MYO7A: variants seen among roughly 807,000 people sequenced by gnomAD.
MYO7A encodes unconventional myosin-VIIa.
In MYO7A, 210 loss-of-function variants were observed where a neutral mutation model predicts 263.8. The ratio of observed to expected loss-of-function variants is 0.80; its 90% CI spans 0.71 to 0.89. The LOEUF is 0.89. Ranked by LOEUF, MYO7A falls within the 40% of genes least tolerant of loss-of-function variation. The pLI is 0.00. For missense variants in MYO7A, 2,820 were observed against 2,968.3 expected, an observed-to-expected ratio of 0.95 and a Z score of 1.16; for synonymous variants, 1,239 against 1,197.3, an observed-to-expected ratio of 1.03 and a Z score of -0.72.
Position 77,162,849 on chromosome 11 carries a change from C to G in MYO7A, c.1555-4C>G. The G allele has an allele frequency of 2.5e-6, 4 of 1,613,176 alleles. No individual in the cohort carries two copies. The highest frequency in any genetic ancestry group is 3.4e-6 in the Non-Finnish European group (4 of 1,179,460). On this transcript the variant is annotated splice_polypyrimidine_tract_variant and splice_region_variant and intron_variant, in intron 13 of 48. Transcript: ENST00000409709. ...GGGCTCACAGCTGCCCCTCCACTCCCCAGGGCACAGACACCACCATGTTAC... is the reference window on the plus strand; with the variant it reads ...GGGCTCACAGCTGCCCCTCCACTCCGCAGGGCACAGACACCACCATGTTAC...
At chr11:77,163,032 C>G in intron 14 of MYO7A, 44 bp downstream of exon 14, 2 of 1,603,246 alleles carry the variant, frequency 1.2e-6, no homozygotes, top group Non-Finnish European at 1.7e-6. Context: ...GCCCGTGGCC[C>G]TGCCTTCCCC....
intron 48 of MYO7A, among the ~76,000 whole-genome samples, chr11:77,214,253 C>G (rs911263734): frequency 1.6e-4 from 24 of 152,172 alleles, no homozygotes; most frequent in African/African-American, 5.6e-4. Flanking sequence ...GCCCTTTAGC[C>G]CCCCGAGTTC....
At position 77,203,224 on chromosome 11, in the gene MYO7A, G is replaced by T; in HGVS notation, c.5326+7G>T. The T allele has an allele frequency of 6.4e-7, 1 of 1,552,020 alleles. No homozygotes were observed. Among genetic ancestry groups the T allele is most frequent in the Non-Finnish European group, 8.7e-7 (1 of 1,148,622 alleles). ...GCCTGCCTGGCCTTCATTGATATCC[G>T]TGCCACTGGGCTGTGCCCAGGGGAG... On this transcript the variant is annotated splice_region_variant and intron_variant, in intron 38 of 48. Transcript: ENST00000409709.
chr11:77,174,708 T>A (rs1954459400), intron 16 of MYO7A, 48 bp from the exon 17 acceptor site: 3 of 1,534,002 alleles, frequency 2.0e-6, no homozygotes, highest in Non-Finnish European at 2.6e-6. Context: ...CAGGGCTGCC[T>A]CCCAGCAGGA....
chr11:77,153,935 C>G (rs1188775867), intron 4 of MYO7A, among the ~76,000 whole-genome samples: 1 of 152,180 alleles, frequency 6.6e-6, no homozygotes, highest in African/African-American at 2.4e-5. Flanking sequence ...ATGGGCCAGA[C>G]GGCTGAGCAT....
intron 35 of MYO7A, among the ~76,000 whole-genome samples, chr11:77,201,243 C>T (rs1215965456): frequency 1.3e-5 from 2 of 152,168 alleles, no homozygotes; most frequent in African/African-American, 4.8e-5. Flanking sequence ...GGGCTTCCTC[C>T]CAAGGGCAAT....
intron 14 of MYO7A, among the ~76,000 whole-genome samples, chr11:77,163,348 T>C (rs1953205773): frequency 6.6e-6 from 1 of 152,186 alleles, no homozygotes; most frequent in African/African-American, 2.4e-5. Flanking sequence ...TGGAATCATA[T>C]GCTATGGCCA....
rs144657938 is a variant in MYO7A at position 77,190,810 on chromosome 11, C to A, written c.3864C>A (p.Ala1288=). 6.3e-7 allele frequency: 1 copy of A among 1,591,688 alleles called. No homozygotes were observed. The highest frequency in any genetic ancestry group is 2.3e-5 in the East Asian group (1 of 43,740). ...TTAKELCNAL[A]DKISLKDRFG... ...CCAAGGAGCTCTGCAACGCGCTGGC[C>A]GACAAGATCTCTCTCAAGGACCGGT... The change falls in exon 30 of 49, where the codon GCC becomes GCA. Residue 1288 remains alanine (A), a synonymous_variant. Transcript: ENST00000409709.
At chr11:77,199,437 C>A in intron 34 of MYO7A, 98 bp from the exon 35 acceptor site, 1 of 1,317,206 alleles carries the variant, frequency 7.6e-7, no homozygotes, top group Non-Finnish European at 9.9e-7. Flanking sequence ...CTGACTCTGG[C>A]CAGGCCAGCT....
chr11:77,160,950 A>G, intron 11 of MYO7A, 23 bp from the exon 12 acceptor site: 1 of 1,579,716 alleles, frequency 6.3e-7, no homozygotes, highest in East Asian at 2.4e-5. Context: ...GGCTGGTGCC[A>G]GTGGCTGATC....
At chr11:77,202,516 G>GC in intron 37 of MYO7A, 92 bp downstream of exon 37, 9 of 1,472,086 alleles carry the variant, frequency 6.1e-6, no homozygotes, top group Non-Finnish European at 8.2e-6. Flanking sequence ...GCTTTGTGAA[G>GC]CCCCCACCTG....
intron 4 of MYO7A, among the ~76,000 whole-genome samples, chr11:77,149,833 T>TG (rs1229471045): frequency 6.6e-6 from 1 of 151,998 alleles, no homozygotes; most frequent in Non-Finnish European, 1.5e-5. Flanking sequence ...AGGCAGGGCA[T>TG]GGGGGGCTCT....
chr11:77,171,198 TG>T (rs1280979931), intron 15 of MYO7A, among the ~76,000 whole-genome samples: 1 of 152,212 alleles, frequency 6.6e-6, no homozygotes, highest in East Asian at 1.9e-4. Context: ...GTGGTATGCG[TG>T]TGCTCCTAGT....
chr11:77,161,221 C>G, intron 12 of MYO7A, 106 bp downstream of exon 12: 1 of 1,362,330 alleles, frequency 7.3e-7, no homozygotes, highest in Non-Finnish European at 1.0e-6. Context: ...CTGGCACACT[C>G]TGCCAGGCTG....
At chr11:77,192,590 T>C (rs1956174171) in intron 31 of MYO7A, among the ~76,000 whole-genome samples, 1 of 152,126 alleles carries the variant, frequency 6.6e-6, no homozygotes, top group African/African-American at 2.4e-5. Context: ...ATTCTGAGTA[T>C]ATCTAGTAAG....
Position 77,160,295 on chromosome 11 carries a change from G to A in MYO7A, c.1200+13G>A, listed in dbSNP as rs782356399. ...CGCCTTCGTAAAGGTGGGCTGGAGG[G>A]AAGGGGCCGCTTGCTCGCCCTACCC... On this transcript the variant is annotated intron_variant, in intron 11 of 48. Transcript: ENST00000409709. 77 of 1,552,120 alleles carry A rather than the reference G, an allele frequency of 5.0e-5. No homozygotes were observed. Among genetic ancestry groups the A allele is most frequent in the Non-Finnish European group, 6.6e-5 (76 of 1,148,932 alleles).
At position 77,182,012 on chromosome 11, in the gene MYO7A, C is replaced by A. The variant is rs782046746; in HGVS notation, c.2966C>A (p.Pro989His). 6.2e-7 allele frequency: 1 copy of A among 1,613,388 alleles called. No individual in the cohort carries two copies. Among genetic ancestry groups the A allele is most frequent in the East Asian group, 2.2e-5 (1 of 44,852 alleles). Residue 989 changes from proline to histidine, a missense_variant, in exon 24 of 49, where the codon CCT (proline) becomes CAT (histidine). Physicochemically the swap from Pro to His is moderately conservative, Grantham distance 77 (BLOSUM62 -2). Transcript: ENST00000409709. Reference sequence around the variant, plus strand: ...GACCTGGATGCAGCCCTGCCCCTGCCTGACGAGGATGAGGAGGACCTCTCT... The same window carrying A: ...GACCTGGATGCAGCCCTGCCCCTGCATGACGAGGATGAGGAGGACCTCTCT... ...EEDLDAALPLPDEDEEDLSEY... is the reference protein window; with the variant it reads ...EEDLDAALPLHDEDEEDLSEY...
At chr11:77,170,820 A>T (rs535990303) in intron 15 of MYO7A, among the ~76,000 whole-genome samples, 2 of 152,196 alleles carry the variant, frequency 1.3e-5, no homozygotes, top group Admixed American at 6.5e-5. Flanking sequence ...CTGACGGTGG[A>T]GGAAGTGGTG....
intron 26 of MYO7A, among the ~76,000 whole-genome samples, chr11:77,183,429 C>T (rs1288106925): frequency 7.9e-5 from 12 of 152,218 alleles, no homozygotes; most frequent in African/African-American, 2.9e-4. Context: ...GGTAGCGGCA[C>T]AGCTGAGAGG....
Sources: gnomAD v4.1 joint callset for allele counts (sites outside exome capture counted in the v4.1 genomes callset) on GRCh38, gnomAD v4.1.1 for gene constraint, MANE v1.5 for transcripts, NCBI Gene and HGNC (gene_info 2026-07-23, HGNC 2026-07-21) for gene names.